Variants in LARGE1 observed in about 807,000 individuals in gnomAD.
The protein encoded by LARGE1 is LARGE xylosyl- and glucuronyltransferase 1.
LARGE1 carries 43 observed loss-of-function variants against 87.6 expected under a neutral mutation model. The observed-to-expected ratio is 0.49, with a 90% CI of 0.38 to 0.63. The LOEUF (loss-of-function observed/expected upper bound fraction) is 0.63, where lower values mean the gene tolerates loss of function less well. Ranked by LOEUF, LARGE1 falls within the 30% of genes least tolerant of loss-of-function variation. LARGE1 has a pLI of 0.00. For missense variants in LARGE1, 802 were observed against 1,000.2 expected (o/e 0.80, Z 2.67); for synonymous variants, 434 against 394.6 (o/e 1.10, Z -1.18).
In LARGE1 at chr22:33,472,852, A is replaced by G. The variant is rs189979102; in HGVS notation, c.788-40587T>C. Among the ~76,000 whole-genome samples, 18 of 152,334 alleles carry G rather than the reference A, an allele frequency of 1.2e-4. No individual in the cohort carries two copies. In the East Asian group the frequency reaches 3.3e-3, roughly 28 times the overall value. ...GCTCGTCATTTTGTAAAGTAATGAT[A>G]CCAGTAGCAGTGCTGCTGGCAGCAT... is the stretch of plus-strand genomic sequence containing the variant. On this transcript the variant is annotated intron_variant, in intron 6 of 14. Coordinates refer to ENST00000397394, the MANE Select transcript of LARGE1 (RefSeq NM_133642.5).
At chr22:33,107,258 A>G in the LARGE1 span, among the ~76,000 whole-genome samples, 2 of 151,388 alleles carry the variant, frequency 1.3e-5, no homozygotes, top group Non-Finnish European at 3.0e-5. Context: ...ATTTAATGAC[A>G]TATTTTAATA....
At chr22:33,611,070 A>G (rs1395561020) in intron 4 of LARGE1, among the ~76,000 whole-genome samples, 1 of 139,204 alleles carries the variant, frequency 7.2e-6, no homozygotes, top group Non-Finnish European at 1.5e-5. Context: ...GTGCCCATGC[A>G]GAAGCCTGCT....
intron 9 of LARGE1, among the ~76,000 whole-genome samples, chr22:33,359,145 T>G (rs1237316065): frequency 6.6e-6 from 1 of 152,130 alleles, no homozygotes; most frequent in Non-Finnish European, 1.5e-5. Context: ...TACAGTCCCA[T>G]ACAATAGTTC....
chr22:33,779,212 G>A (rs1601596295), intron 1 of LARGE1, among the ~76,000 whole-genome samples: 2 of 152,096 alleles, frequency 1.3e-5, no homozygotes, highest in Non-Finnish European at 2.9e-5. Context: ...AGCACATAAG[G>A]TTCTAGAACC....
the LARGE1 span, among the ~76,000 whole-genome samples, chr22:33,089,049 C>T: frequency 6.6e-6 from 1 of 152,210 alleles, no homozygotes; most frequent in Admixed American, 6.5e-5. Context: ...TACTTCCTCA[C>T]GAGTTCCTCT....
intron 3 of LARGE1, among the ~76,000 whole-genome samples, chr22:33,646,819 C>T (rs1331613215): frequency 6.6e-6 from 1 of 152,184 alleles, no homozygotes; most frequent in Admixed American, 6.5e-5. Flanking sequence ...CCTCCGCCTC[C>T]CAGGTTCAAA....
chr22:33,603,584 G>A (rs1342002109), intron 5 of LARGE1, among the ~76,000 whole-genome samples: 1 of 152,180 alleles, frequency 6.6e-6, no homozygotes, highest in Non-Finnish European at 1.5e-5. Context: ...ACGAACAGGA[G>A]TTGTGGCAAG....
the LARGE1 span, among the ~76,000 whole-genome samples, chr22:33,126,807 A>C: frequency 6.6e-6 from 1 of 152,216 alleles, no homozygotes; most frequent in Non-Finnish European, 1.5e-5. Flanking sequence ...ATATACTGCT[A>C]CCCCACTGGC....
chr22:33,121,920 A>T, the LARGE1 span, among the ~76,000 whole-genome samples: 4 of 152,166 alleles, frequency 2.6e-5, no homozygotes, highest in Non-Finnish European at 5.9e-5. Flanking sequence ...CATAAGACTT[A>T]TTCATTATCA....
At chr22:33,706,397 A>T (rs1048585556) in intron 2 of LARGE1, among the ~76,000 whole-genome samples, 2 of 152,188 alleles carry the variant, frequency 1.3e-5, no homozygotes. Context: ...GCAGAGGAGG[A>T]AACAGGAAGG....
At chr22:33,823,310 C>T (rs2062692177) in intron 1 of LARGE1, among the ~76,000 whole-genome samples, 1 of 152,168 alleles carries the variant, frequency 6.6e-6, no homozygotes, top group Non-Finnish European at 1.5e-5. Context: ...CATCATGGTA[C>T]ACCTGTTAAT....
chr22:33,822,288 G>A (rs568324007), intron 1 of LARGE1, among the ~76,000 whole-genome samples: 1 of 152,272 alleles, frequency 6.6e-6, no homozygotes, highest in South Asian at 2.1e-4. Context: ...TTCTCTTAGA[G>A]GTCAGATTGT....
chr22:33,594,498 T>C (rs1202131840), intron 5 of LARGE1, among the ~76,000 whole-genome samples: 3 of 152,196 alleles, frequency 2.0e-5, no homozygotes. Context: ...TCATCATAAT[T>C]TCCAGTTTAC....
chr22:33,418,193 C>T (rs1601769390), intron 7 of LARGE1, among the ~76,000 whole-genome samples: 1 of 152,086 alleles, frequency 6.6e-6, no homozygotes, highest in East Asian at 1.9e-4. Context: ...GTGATCCACC[C>T]GCCTCGGCCT....
the LARGE1 span, among the ~76,000 whole-genome samples, chr22:33,075,437 CT>C: frequency 4.2e-4 from 64 of 152,364 alleles, no homozygotes; most frequent in African/African-American, 1.5e-3. Flanking sequence ...CTCATTTCCT[CT>C]GCTTCTGTTT....
At chr22:33,104,277 A>C in the LARGE1 span, among the ~76,000 whole-genome samples, 1 of 152,212 alleles carries the variant, frequency 6.6e-6, no homozygotes, top group African/African-American at 2.4e-5. Context: ...GTTACCTAGC[A>C]ATAGAAAATC....
intron 1 of LARGE1, among the ~76,000 whole-genome samples, chr22:33,844,116 T>G (rs1188407215): frequency 6.6e-6 from 1 of 151,832 alleles, no homozygotes; most frequent in Non-Finnish European, 1.5e-5. Context: ...AACCTCCAAT[T>G]TACAGACAAG....
At chr22:33,118,250 G>C in the LARGE1 span, among the ~76,000 whole-genome samples, 1,675 of 152,192 alleles carry the variant, frequency 0.011, 24 homozygotes, top group African/African-American at 0.037. Context: ...TGGAAGGCCA[G>C]AGTGGAAGGA....
In LARGE1 at chr22:33,277,184, C is replaced by T. The variant is rs73399520; in HGVS notation, c.1949G>A (p.Arg650Gln). Residue 650 changes from arginine to glutamine, a missense_variant, in exon 14 of 15, where the codon CGG becomes CAG. Arg to Gln is a conservative substitution (Grantham distance 43). Around this residue, in one of 2 missense-constraint regions of LARGE1, gnomAD observed 625 missense variants for 841.9 expected, o/e 0.74. Coordinates refer to ENST00000397394, the MANE Select transcript of LARGE1 (RefSeq NM_133642.5). ...CTCAAAATCGGCCTCCCACTCAACC[C>T]GGTAAGGCGTGGTGGCGGTCCGCCA... ...AKWRTATTPY[R>Q]VEWEADFEPY... 3.2e-3 allele frequency: 5,205 copies of T among 1,614,220 alleles called. 152 individuals carry two copies. The African/African-American group carries it at 0.06, about 19-fold the overall frequency.
Sources: gnomAD v4.1 joint callset for allele counts (sites outside exome capture counted in the v4.1 genomes callset) on GRCh38, gnomAD v4.1.1 for gene constraint, gnomAD v4.1.1 regional missense constraint, MANE v1.5 for transcripts, NCBI Gene and HGNC (gene_info 2026-07-23, HGNC 2026-07-21) for gene names.